OCA2: variants seen among roughly 807,000 people sequenced by gnomAD.
The protein encoded by OCA2 is OCA2 melanosomal transmembrane protein.
Under a neutral mutation model 100.2 loss-of-function variants are expected in OCA2, and 77 were observed. That is an observed-to-expected ratio of 0.77 (90% CI 0.64 to 0.93). The LOEUF is 0.93. OCA2 is among the 40% of genes least tolerant of loss of function. The pLI, the probability that OCA2 is intolerant of heterozygous loss-of-function variation, is 0.00. For missense variants in OCA2, 1,062 were observed against 1,089.1 expected (o/e 0.98, Z 0.35); for synonymous variants, 432 against 439.2 (o/e 0.98, Z 0.21).
intron 19 of OCA2, among the ~76,000 whole-genome samples, chr15:27,873,673 A>T (rs189244982): frequency 2.2e-4 from 33 of 152,320 alleles, no homozygotes; most frequent in African/African-American, 7.5e-4. Flanking sequence ...AATTATCCTA[A>T]ATATCATGCT....
At chr15:28,005,560 T>C (rs989585744) in intron 9 of OCA2, among the ~76,000 whole-genome samples, 1 of 152,024 alleles carries the variant, frequency 6.6e-6, no homozygotes, top group African/African-American at 2.4e-5. Flanking sequence ...ACAGGACCCC[T>C]CTTTTCCAGC....
chr15:27,869,070 C>T (rs2036440591), intron 21 of OCA2, among the ~76,000 whole-genome samples: 3 of 152,226 alleles, frequency 2.0e-5, no homozygotes, highest in Admixed American at 2.0e-4. Flanking sequence ...GGCAGCAAAC[C>T]CCAGTGGCTC....
At chr15:27,756,013 GA>G (rs1396979179) in intron 23 of OCA2, among the ~76,000 whole-genome samples, 5 of 152,200 alleles carry the variant, frequency 3.3e-5, no homozygotes, top group African/African-American at 9.7e-5. Flanking sequence ...GAGACGTGTG[GA>G]CAAGGAGGGT....
chr15:27,896,001 G>A, intron 19 of OCA2: 2 of 923,446 alleles, frequency 2.2e-6, no homozygotes, highest in Non-Finnish European at 3.5e-6. Context: ...GCGGTGTATT[G>A]TACTGGCCTG....
intron 19 of OCA2, among the ~76,000 whole-genome samples, chr15:27,875,138 C>G (rs1207276170): frequency 6.6e-6 from 1 of 152,098 alleles, no homozygotes; most frequent in African/African-American, 2.4e-5. Flanking sequence ...GAGATCATCA[C>G]TATAAAGATA....
intron 9 of OCA2, among the ~76,000 whole-genome samples, chr15:28,001,449 GGAGAGGAGGGTGTGGGA>G (rs1337232193): frequency 6.6e-6 from 1 of 152,220 alleles, no homozygotes; most frequent in Non-Finnish European, 1.5e-5. Context: ...AGGGGTGGAA[GGAGAGGAGGGTGTGGGA>G]GATGAAGAGC....
In OCA2 at chr15:27,818,226, C is replaced by T. The variant is rs574508590; in HGVS notation, c.2432+26733G>A. Among the ~76,000 whole-genome samples the T allele has an allele frequency of 3.9e-5, 6 of 152,086 alleles. No individual in the cohort carries two copies. In the South Asian group the frequency reaches 6.2e-4, roughly 16 times the overall value. Reference sequence around the variant, plus strand: ...CTAACATGGTGAAACCCCATCTCTACTAAGTATACAAAATTAGCTGGGCAT... The same window carrying T: ...CTAACATGGTGAAACCCCATCTCTATTAAGTATACAAAATTAGCTGGGCAT... On this transcript the variant is annotated intron_variant, in intron 23 of 23. Coordinates refer to ENST00000354638, the MANE Select transcript of OCA2 (RefSeq NM_000275.3).
At chr15:27,923,968 T>C (rs1211613947) in intron 19 of OCA2, among the ~76,000 whole-genome samples, 1 of 152,230 alleles carries the variant, frequency 6.6e-6, no homozygotes, top group Non-Finnish European at 1.5e-5. Flanking sequence ...GCCTAGATTG[T>C]CTTCCAGGGT....
chr15:27,744,945 A>T, the OCA2 span, among the ~76,000 whole-genome samples: 64,294 of 151,544 alleles, frequency 0.42, 14,806 homozygotes, highest in Non-Finnish European at 0.52. Flanking sequence ...CCTTTGTAGC[A>T]GTAAGAGACC....
At chr15:28,017,664 AG>A (rs1209033295) in intron 7 of OCA2, among the ~76,000 whole-genome samples, 1 of 152,164 alleles carries the variant, frequency 6.6e-6, no homozygotes, top group Non-Finnish European at 1.5e-5. Context: ...GGAAAAGGGG[AG>A]GGTGCATTCA....
intron 19 of OCA2, among the ~76,000 whole-genome samples, chr15:27,877,715 C>T (rs2036849694): frequency 6.6e-6 from 1 of 151,934 alleles, no homozygotes; most frequent in South Asian, 2.1e-4. Context: ...CATATCATTG[C>T]TCAGCCTTTC....
At chr15:28,027,131 G>A (rs1359188282) in intron 4 of OCA2, among the ~76,000 whole-genome samples, 1 of 152,222 alleles carries the variant, frequency 6.6e-6, no homozygotes, top group Non-Finnish European at 1.5e-5. Flanking sequence ...CGCATGGGAG[G>A]AAACCCATTA....
chr15:27,994,574 G>A (rs1012423190), intron 9 of OCA2, among the ~76,000 whole-genome samples: 3 of 152,160 alleles, frequency 2.0e-5, no homozygotes, highest in African/African-American at 4.8e-5. Flanking sequence ...TGGTCGAGCC[G>A]ACACTCTGTG....
the OCA2 span, among the ~76,000 whole-genome samples, chr15:27,735,097 G>GA: frequency 2.9e-4 from 43 of 150,330 alleles, no homozygotes; most frequent in Admixed American, 9.9e-4. Context: ...AAATACAGGA[G>GA]AAAAAAAAAT....
chr15:27,750,474 C>A (rs367957552), downstream of OCA2, among the ~76,000 whole-genome samples: 4 of 152,156 alleles, frequency 2.6e-5, 1 homozygote, highest in Non-Finnish European at 5.9e-5. Context: ...TAATATTGGG[C>A]ATATAGAGAA....
intron 2 of OCA2, among the ~76,000 whole-genome samples, chr15:28,074,683 A>C (rs952383904): frequency 1.3e-5 from 2 of 150,468 alleles, no homozygotes; most frequent in African/African-American, 4.9e-5. Context: ...CAAAAAAAAA[A>C]AAAAAAAAAA....
intron 23 of OCA2, among the ~76,000 whole-genome samples, chr15:27,808,117 T>C (rs182507254): frequency 4.6e-5 from 7 of 152,306 alleles, no homozygotes. Flanking sequence ...CTATTCTACA[T>C]GGGGGCAAAT....
At chr15:27,822,155 T>C (rs2034533347) in intron 23 of OCA2, among the ~76,000 whole-genome samples, 1 of 152,156 alleles carries the variant, frequency 6.6e-6, no homozygotes, top group Admixed American at 6.5e-5. Flanking sequence ...TGTCATAAAA[T>C]ATAATATCAC....
intron 23 of OCA2, among the ~76,000 whole-genome samples, chr15:27,793,647 A>G (rs1333822903): frequency 6.6e-6 from 1 of 152,128 alleles, no homozygotes; most frequent in Non-Finnish European, 1.5e-5. Context: ...TCACGTGCAC[A>G]TTTATTTATT....
Sources: allele counts gnomAD v4.1 joint callset (sites outside exome capture counted in the v4.1 genomes callset), GRCh38; gene constraint gnomAD v4.1.1; transcripts MANE v1.5; gene names NCBI Gene and HGNC (gene_info 2026-07-23, HGNC 2026-07-21).